The following TMEM182 variants were observed in gnomAD, a reference collection of about 807,000 sequenced individuals.
TMEM182 encodes transmembrane protein 182.
In TMEM182, 20 loss-of-function variants were observed where a neutral mutation model predicts 26.8. The ratio of observed to expected loss-of-function variants is 0.75; its 90% confidence interval spans 0.53 to 1.09. The LOEUF is 1.09. TMEM182 is among the 50% of genes least tolerant of loss of function. The pLI, the probability that TMEM182 is intolerant of heterozygous loss-of-function variation, is 0.00. For synonymous variants in TMEM182, 109 were observed against 102.2 expected, an observed-to-expected ratio of 1.07 and a Z score of -0.40; for missense variants, 277 against 275.5, an observed-to-expected ratio of 1.01 and a Z score of -0.04.
upstream of TMEM182, chr2:102,758,612 G>A (rs2104649937): frequency 1.6e-6 from 1 of 619,484 alleles, no homozygotes; most frequent in East Asian, 2.8e-5. Flanking sequence ...AGCTGGGCCA[G>A]ATCAGCACTG....
downstream of TMEM182, among the ~76,000 whole-genome samples, chr2:102,822,322 C>G (rs4851638): frequency 0.011 from 1,609 of 151,972 alleles, 22 homozygotes; most frequent in South Asian, 0.032. Context: ...ACTGAGCCTG[C>G]GGAGAAGTCA....
At chr2:102,772,933 C>T (rs973668390) in intron 3 of TMEM182, among the ~76,000 whole-genome samples, 1 of 149,932 alleles carries the variant, frequency 6.7e-6, no homozygotes, top group African/African-American at 2.5e-5. Flanking sequence ...TTTCTGCTCT[C>T]TGAAGGGTGT....
At chr2:102,797,821 T>C in intron 3 of TMEM182, 42 bp from the exon 4 acceptor site, 3 of 1,588,232 alleles carry the variant, frequency 1.9e-6, no homozygotes, top group East Asian at 2.2e-5. Context: ...ACAATCTAAG[T>C]GTATTTTTCT....
chr2:102,760,832 T>C (rs146943989), upstream of TMEM182, among the ~76,000 whole-genome samples: 1,317 of 152,180 alleles, frequency 8.7e-3, 7 homozygotes, highest in Non-Finnish European at 0.013. Flanking sequence ...GCTAGGCTCC[T>C]GGTCTCCACC....
intron 3 of TMEM182, among the ~76,000 whole-genome samples, chr2:102,774,453 T>TG (rs1680825330): frequency 1.3e-5 from 2 of 151,036 alleles, no homozygotes; most frequent in Non-Finnish European, 3.0e-5. Context: ...TCAGTAGAGA[T>TG]GGGGTTTCAC....
chr2:102,826,568 A>G (rs1375564528), intron 3 of TMEM182, among the ~76,000 whole-genome samples: 5 of 152,154 alleles, frequency 3.3e-5, no homozygotes, highest in African/African-American at 7.2e-5. Flanking sequence ...AATAAATGTT[A>G]TCAACTATTA....
exon 1 of TMEM182, chr2:102,736,983 C>T (rs1025689979): frequency 5.9e-6 from 4 of 683,666 alleles, no homozygotes. Context: ...TGGTCTCAGG[C>T]AAGGTGGGGA....
At chr2:102,738,992 A>G (rs1445033188) in intron 1 of TMEM182, among the ~76,000 whole-genome samples, 1 of 152,222 alleles carries the variant, frequency 6.6e-6, no homozygotes, top group African/African-American at 2.4e-5. Context: ...CCAAGACGAC[A>G]CTTCCTGCAC....
intron 1 of TMEM182, among the ~76,000 whole-genome samples, chr2:102,748,265 G>A (rs1185240939): frequency 1.3e-5 from 2 of 152,206 alleles, no homozygotes; most frequent in Admixed American, 6.5e-5. Context: ...CATCTGCCCC[G>A]CAATGAAATG....
intron 4 of TMEM182, among the ~76,000 whole-genome samples, chr2:102,802,237 G>A (rs932364325): frequency 6.6e-6 from 1 of 152,246 alleles, no homozygotes; most frequent in Non-Finnish European, 1.5e-5. Flanking sequence ...CAGCAGCACT[G>A]TGTTTAGACA....
At chr2:102,801,155 T>C (rs1682112427) in intron 4 of TMEM182, among the ~76,000 whole-genome samples, 1 of 152,134 alleles carries the variant, frequency 6.6e-6, no homozygotes, top group Non-Finnish European at 1.5e-5. Context: ...TCCAAGGTGT[T>C]CCCATTTTCA....
At chr2:102,760,803 A>T (rs572288402), upstream of TMEM182, among the ~76,000 whole-genome samples, 3 of 152,122 alleles carry the variant, frequency 2.0e-5, no homozygotes, top group South Asian at 6.2e-4. Context: ...TTTAGTAGAC[A>T]TGGGGTTTCA....
At chr2:102,741,381 T>G (rs2104626825) in intron 1 of TMEM182, among the ~76,000 whole-genome samples, 1 of 152,260 alleles carries the variant, frequency 6.6e-6, no homozygotes, top group East Asian at 1.9e-4. Context: ...GTTGAAGATC[T>G]GAGAAAAATT....
intron 3 of TMEM182, among the ~76,000 whole-genome samples, chr2:102,766,764 A>G (rs1214855982): frequency 2.0e-5 from 3 of 152,192 alleles, no homozygotes; most frequent in African/African-American, 7.2e-5. Flanking sequence ...CCTTTGGTAA[A>G]TTGAAAGTAT....
At chr2:102,842,453 A>G (rs1683372095) in intron 3 of TMEM182, among the ~76,000 whole-genome samples, 2 of 152,242 alleles carry the variant, frequency 1.3e-5, no homozygotes, top group African/African-American at 2.4e-5. Flanking sequence ...TTACTAGTTC[A>G]GTTTCCTACC....
At chr2:102,751,932 T>TGCTG (rs1303898682) in intron 1 of TMEM182, among the ~76,000 whole-genome samples, 6 of 152,316 alleles carry the variant, frequency 3.9e-5, no homozygotes, top group African/African-American at 1.4e-4. Flanking sequence ...CTTCCCAAAG[T>TGCTG]GCTGGGATGA....
chr2:102,805,843 A>C (rs867641076), intron 4 of TMEM182, among the ~76,000 whole-genome samples: 1 of 152,048 alleles, frequency 6.6e-6, no homozygotes, highest in South Asian at 2.1e-4. Flanking sequence ...CAGGAGTTGG[A>C]AGCTGCAGTG....
At chr2:102,799,157 C>T (rs1010988693) in intron 4 of TMEM182, among the ~76,000 whole-genome samples, 5 of 152,178 alleles carry the variant, frequency 3.3e-5, no homozygotes, top group Non-Finnish European at 7.3e-5. Flanking sequence ...TGTATTGTAA[C>T]ATCAAACCAG....
At position 102,817,322 on chromosome 2, in the gene TMEM182, A is replaced by G. The variant is rs2104763158; in HGVS notation, c.*2354A>G. The G allele has an allele frequency of 1.0e-6, 1 of 985,460 alleles. No individual in the cohort carries two copies. The highest frequency in any genetic ancestry group is 1.1e-4 in the East Asian group (1 of 8,818). The allele number at this position is 985,460 out of a possible 1,614,324, so 61.0% of individuals were successfully genotyped here. On this transcript the variant is annotated 3_prime_UTR_variant, in exon 5 of 5. Transcript: ENST00000412401. ...TTTTGAAAAATGTTGATTTTGCATCATAAAGTTTCAATTTATCAAGGATAT... is the reference window on the plus strand; with the variant it reads ...TTTTGAAAAATGTTGATTTTGCATCGTAAAGTTTCAATTTATCAAGGATAT...
Sources: gnomAD v4.1 joint callset for allele counts (sites outside exome capture counted in the v4.1 genomes callset) on GRCh38, gnomAD v4.1.1 for gene constraint, MANE v1.5 for transcripts, NCBI Gene and HGNC (gene_info 2026-07-23, HGNC 2026-07-21) for gene names.